The following ARHGAP31 variants were observed in gnomAD, a reference collection of about 807,000 sequenced individuals.
ARHGAP31 encodes rho GTPase-activating protein 31.
In ARHGAP31, 34 loss-of-function variants were observed where a neutral mutation model predicts 113.9. The observed-to-expected ratio is 0.30, with a 90% CI of 0.23 to 0.40. The LOEUF (loss-of-function observed/expected upper bound fraction) is 0.40, where lower values mean the gene tolerates loss of function less well. Among genes scored for constraint, ARHGAP31 ranks in the 10% least tolerant of loss-of-function variants. The pLI is 1.00. For missense variants in ARHGAP31, 1,548 were observed against 1,767.1 expected (o/e 0.88, Z 2.22); for synonymous variants, 650 against 684.8 (o/e 0.95, Z 0.79).
intron 1 of ARHGAP31, among the ~76,000 whole-genome samples, chr3:119,299,211 G>T (rs2079559695): frequency 6.6e-6 from 1 of 152,182 alleles, no homozygotes; most frequent in African/African-American, 2.4e-5. Flanking sequence ...AATGAAATCA[G>T]AATCTTTTTT....
At chr3:119,320,402 C>T (rs1434568502) in intron 1 of ARHGAP31, among the ~76,000 whole-genome samples, 1 of 152,180 alleles carries the variant, frequency 6.6e-6, no homozygotes, top group Non-Finnish European at 1.5e-5. Context: ...TAAGCATACT[C>T]ATCCTATTGC....
Position 119,393,479 on chromosome 3 carries a change from C to T in ARHGAP31, c.894C>T (p.Ser298=). ...LELPDNKRKL[S]SKSKKWKSIF... Reference sequence around the variant, plus strand: ...TTGGTTCTTTTAGGCGAAAGCTCTCCAGTAAATCAAAGAAGTGGAAATCAA... The same window carrying T: ...TTGGTTCTTTTAGGCGAAAGCTCTCTAGTAAATCAAAGAAGTGGAAATCAA... Residue 298 remains serine (S), a synonymous_variant, in exon 8 of 12, where the codon TCC becomes TCT. Transcript: ENST00000264245. 2 of 1,614,120 alleles carry T rather than the reference C, an allele frequency of 1.2e-6. No homozygotes were observed. Among genetic ancestry groups the T allele is most frequent in the Non-Finnish European group, 1.7e-6 (2 of 1,180,002 alleles).
intron 1 of ARHGAP31, among the ~76,000 whole-genome samples, chr3:119,351,153 T>C (rs956868020): frequency 6.6e-6 from 1 of 152,234 alleles, no homozygotes; most frequent in African/African-American, 2.4e-5. Flanking sequence ...CCCCAGCACC[T>C]ACTGCCTGGA....
intron 9 of ARHGAP31, 82 bp from the exon 10 acceptor site, chr3:119,401,740 G>T: frequency 7.7e-7 from 1 of 1,304,830 alleles, no homozygotes; most frequent in Non-Finnish European, 1.1e-6. Flanking sequence ...GTATTCAAAT[G>T]TCGTGTGCCT....
At position 119,402,300 on chromosome 3, in the gene ARHGAP31, G is replaced by C. The variant is rs1487629094; in HGVS notation, c.1548G>C (p.Leu516=). 4 of 1,614,250 alleles carry C rather than the reference G, an allele frequency of 2.5e-6. No individual in the cohort carries two copies. Among genetic ancestry groups the C allele is most frequent in the Middle Eastern group, 3.3e-4 (2 of 6,062 alleles). ...CGTGCAGAACACCCCCGAAGGAGCT[G>C]CAGTCTCTTTCCAGCCTGGAAGAGT... is the stretch of plus-strand genomic sequence containing the variant. ...STPCRTPPKE[L]QSLSSLEEFS... is the part of the protein sequence containing the mutation. The change falls in exon 10 of 12, where the codon CTG becomes CTC. Residue 516 remains leucine, a synonymous_variant. Transcript: ENST00000264245.
intron 1 of ARHGAP31, among the ~76,000 whole-genome samples, chr3:119,341,233 C>A (rs12493383): frequency 0.38 from 57,267 of 151,934 alleles, 12,898 homozygotes; most frequent in African/African-American, 0.64. Flanking sequence ...ACAGATGGTC[C>A]TAAAGGGGTG....
At chr3:119,295,558 AAT>A in intron 1 of ARHGAP31, among the ~76,000 whole-genome samples, 1 of 152,060 alleles carries the variant, frequency 6.6e-6, no homozygotes, top group African/African-American at 2.4e-5. Context: ...GCTGATGCCA[AAT>A]ATATAGTACC....
intron 1 of ARHGAP31, among the ~76,000 whole-genome samples, chr3:119,318,760 T>C (rs1050192591): frequency 1.3e-5 from 2 of 152,222 alleles, no homozygotes; most frequent in Admixed American, 6.5e-5. Flanking sequence ...TATTTTGAGT[T>C]AAACATTTAA....
At chr3:119,332,604 T>TTCTCTCTC (rs34228523) in intron 1 of ARHGAP31, among the ~76,000 whole-genome samples, 65 of 105,878 alleles carry the variant, frequency 6.1e-4, no homozygotes, top group South Asian at 2.2e-3. Context: ...CTCTCTCTCT[T>TTCTCTCTC]TCTCTCTCTC....
At chr3:119,349,148 C>G (rs1027906310) in intron 1 of ARHGAP31, among the ~76,000 whole-genome samples, 1 of 151,946 alleles carries the variant, frequency 6.6e-6, no homozygotes, top group Non-Finnish European at 1.5e-5. Flanking sequence ...AGTCTCTCTG[C>G]AGAAAGCATA....
chr3:119,393,319 A>C (rs1328712478), intron 7 of ARHGAP31, 148 bp from the exon 8 acceptor site: 1 of 1,078,890 alleles, frequency 9.3e-7, no homozygotes. Flanking sequence ...GGTGAGAATC[A>C]AGCTTACCTT....
In ARHGAP31 at chr3:119,294,455, A is replaced by G. The variant is rs2079513945; in HGVS notation, c.-450A>G. ...TACCAAAGTCGTCTGAAGGCGAGAC[A>G]GCGGGCCCAGGGCGCAGGACCCACC... On this transcript the variant is annotated 5_prime_UTR_variant, in exon 1 of 12. Coordinates refer to ENST00000264245, the MANE Select transcript of ARHGAP31 (RefSeq NM_020754.4). 1 of 406,390 alleles carries G rather than the reference A, an allele frequency of 2.5e-6. No individual in the cohort carries two copies. Among genetic ancestry groups the G allele is most frequent in the Admixed American group, 4.4e-5 (1 of 22,914 alleles). The allele number at this position is 406,390 out of a possible 1,614,324, so 25.2% of individuals were successfully genotyped here. A position where few individuals can be genotyped will look rare whatever the true frequency, so the allele number is the denominator to read the frequency against.
intron 8 of ARHGAP31, among the ~76,000 whole-genome samples, 184 bp downstream of exon 8, chr3:119,393,775 AC>A (rs113490740): frequency 3.2e-4 from 48 of 152,354 alleles, no homozygotes; most frequent in African/African-American, 1.1e-3. Flanking sequence ...AAAATAGTAC[AC>A]AGAGAACCTG....
chr3:119,401,028 G>A (rs755884864), intron 9 of ARHGAP31, among the ~76,000 whole-genome samples: 32 of 151,978 alleles, frequency 2.1e-4, no homozygotes, highest in Non-Finnish European at 3.4e-4. Flanking sequence ...AAAATTAGCC[G>A]GGCGCGGTGG....
In ARHGAP31 at chr3:119,401,951, A is replaced by T; in HGVS notation, c.1199A>T (p.Gln400Leu). 6.2e-7 allele frequency: 1 copy of T among 1,614,144 alleles called. No homozygotes were observed. The highest frequency in any genetic ancestry group is 2.2e-5 in the East Asian group (1 of 44,882). Reference sequence around the variant, plus strand: ...ACCAAGCAGGAGGGCGAATGGGGCCAGGAGGGGATGCCTCCCGGGGCTGAG... The same window carrying T: ...ACCAAGCAGGAGGGCGAATGGGGCCTGGAGGGGATGCCTCCCGGGGCTGAG... ...DLTKQEGEWG[Q>L]EGMPPGAEGG... The change falls in exon 10 of 12, where the codon CAG becomes CTG. Residue 400 changes from glutamine (Q) to leucine (L), a missense_variant. Transcript: ENST00000264245.
intron 1 of ARHGAP31, among the ~76,000 whole-genome samples, chr3:119,347,408 T>C (rs1000579572): frequency 2.6e-5 from 4 of 152,210 alleles, no homozygotes; most frequent in Non-Finnish European, 5.9e-5. Flanking sequence ...AACCCATTGA[T>C]TTAAGACTGT....
intron 1 of ARHGAP31, among the ~76,000 whole-genome samples, chr3:119,351,987 G>A (rs2080114669): frequency 6.6e-6 from 1 of 152,194 alleles, no homozygotes; most frequent in South Asian, 2.1e-4. Flanking sequence ...GGGATTGACT[G>A]AGATCTTTCT....
chr3:119,397,046 A>C (rs1427049039), intron 8 of ARHGAP31, among the ~76,000 whole-genome samples: 2 of 152,218 alleles, frequency 1.3e-5, no homozygotes, highest in Non-Finnish European at 2.9e-5. Context: ...CAGCTAAGAG[A>C]GGAGGACTCA....
chr3:119,381,228 C>G (rs548188313), intron 4 of ARHGAP31, among the ~76,000 whole-genome samples: 2 of 152,258 alleles, frequency 1.3e-5, no homozygotes, highest in East Asian at 3.9e-4. Context: ...CAGAATCTCT[C>G]AGGAAGTCAT....
Sources: gnomAD v4.1 joint callset for allele counts (sites outside exome capture counted in the v4.1 genomes callset) on GRCh38, gnomAD v4.1.1 for gene constraint, MANE v1.5 for transcripts, NCBI Gene and HGNC (gene_info 2026-07-23, HGNC 2026-07-21) for gene names.